CPAMD8: variants seen among roughly 807,000 people sequenced by gnomAD.
CPAMD8 encodes the protein C3 and PZP like alpha-2-macroglobulin domain containing 8, also known as C3 and PZP-like alpha-2-macroglobulin domain-containing protein 8.
A neutral mutation model predicts 224.7 loss-of-function variants in CPAMD8; 146 were observed. That is an observed-to-expected ratio of 0.65 (90% CI 0.57 to 0.75). The LOEUF (loss-of-function observed/expected upper bound fraction) is 0.75, where lower values mean the gene tolerates loss of function less well. Ranked by LOEUF, CPAMD8 falls within the 30% of genes least tolerant of loss-of-function variation. The pLI is 0.00. For missense variants in CPAMD8, 2,301 were observed against 2,537.5 expected, an observed-to-expected ratio of 0.91 and a Z score of 2.00; for synonymous variants, 966 against 1,044.6, an observed-to-expected ratio of 0.92 and a Z score of 1.45.
rs2052178954 is a variant in CPAMD8 at position 16,899,861 on chromosome 19, C to T, written c.4774-312G>A. 2.0e-5 allele frequency among the ~76,000 whole-genome samples: 3 copies of T among 152,050 alleles called. No individual in the cohort carries two copies. The highest frequency in any genetic ancestry group is 1.3e-4 in the Admixed American group (2 of 15,280). On this transcript the variant is annotated intron_variant, in intron 36 of 41. Coordinates refer to ENST00000443236, the MANE Select transcript of CPAMD8 (RefSeq NM_015692.5). This position sits in a 1 kb window ranked among gnomAD's most constrained non-coding sequence, Gnocchi z 5.4. ...GCTGAGCCCTGCCGCCTGCTGGTGTCTCAGCTGCACTGTTCAAGTTCCCCT... is the reference window on the plus strand; with the variant it reads ...GCTGAGCCCTGCCGCCTGCTGGTGTTTCAGCTGCACTGTTCAAGTTCCCCT...
At chr19:16,918,474 G>A (rs999537763) in intron 27 of CPAMD8, among the ~76,000 whole-genome samples, 9 of 141,400 alleles carry the variant, frequency 6.4e-5, no homozygotes, top group African/African-American at 2.4e-4. Context: ...AAGAGATGGA[G>A]TTTTGCTCTG....
At chr19:16,962,179 C>T (rs1341054430) in intron 18 of CPAMD8, among the ~76,000 whole-genome samples, 4 of 152,112 alleles carry the variant, frequency 2.6e-5, no homozygotes, top group Non-Finnish European at 4.4e-5. Flanking sequence ...CAAAGCTGGA[C>T]GGAGAATGAC....
At chr19:17,017,905 C>A (rs1023891173) in intron 3 of CPAMD8, among the ~76,000 whole-genome samples, 2 of 151,980 alleles carry the variant, frequency 1.3e-5, no homozygotes, top group African/African-American at 4.8e-5. Context: ...CGGTGGTGCA[C>A]ACCTGTAATC....
intron 9 of CPAMD8, among the ~76,000 whole-genome samples, chr19:17,000,848 C>T (rs894276717): frequency 5.3e-5 from 8 of 152,322 alleles, no homozygotes; most frequent in African/African-American, 1.9e-4. Context: ...TGAGAGGCAC[C>T]TGAGCCTAAG....
intron 10 of CPAMD8, chr19:17,000,173 T>C (rs892785892): frequency 5.5e-5 from 22 of 397,952 alleles, no homozygotes; most frequent in Non-Finnish European, 8.9e-5. Context: ...TTTTAGAAAG[T>C]AAAACAGCGG....
intron 26 of CPAMD8, among the ~76,000 whole-genome samples, chr19:16,924,519 G>C (rs1056443112): frequency 6.6e-6 from 1 of 152,166 alleles, no homozygotes; most frequent in African/African-American, 2.4e-5. Flanking sequence ...AGCTGTCCAT[G>C]ATCAGCCTTC....
At chr19:16,902,951 G>T in intron 34 of CPAMD8, 88 bp from the exon 35 acceptor site, 1 of 721,286 alleles carries the variant, frequency 1.4e-6, no homozygotes, top group Middle Eastern at 2.6e-4. Flanking sequence ...GTGGGGAGGT[G>T]GGAACAGCCA....
intron 3 of CPAMD8, among the ~76,000 whole-genome samples, chr19:17,014,580 G>A (rs2056761296): frequency 6.6e-6 from 1 of 152,168 alleles, no homozygotes; most frequent in South Asian, 2.1e-4. Flanking sequence ...TCACAATCAT[G>A]GCGAAAGGTG....
chr19:16,930,969 C>G (rs2053527821), intron 23 of CPAMD8, among the ~76,000 whole-genome samples: 1 of 152,184 alleles, frequency 6.6e-6, no homozygotes, highest in African/African-American at 2.4e-5. Context: ...CCTCACTGCC[C>G]CCAGCAGTGA....
intron 41 of CPAMD8, chr19:16,895,846 T>C: frequency 2.0e-6 from 1 of 503,446 alleles, no homozygotes. Flanking sequence ...ACACTGCTGG[T>C]CCCCCCAGCA....
intron 13 of CPAMD8, among the ~76,000 whole-genome samples, chr19:16,984,831 G>A (rs1350960159): frequency 6.6e-6 from 1 of 152,148 alleles, no homozygotes; most frequent in Non-Finnish European, 1.5e-5. Context: ...GCAACATAGT[G>A]AAACCCCTAA....
chr19:16,897,816 T>A lies in CPAMD8; in HGVS notation c.4955-15A>T. The A allele has an allele frequency of 6.3e-7, 1 of 1,575,306 alleles. No individual in the cohort carries two copies. The highest frequency in any genetic ancestry group is 1.1e-5 in the South Asian group (1 of 87,110). On this transcript the variant is annotated splice_polypyrimidine_tract_variant and intron_variant, in intron 38 of 41. Transcript: ENST00000443236. ...GGCCTCGAAGGCTACGGGACGAGGGTGGCGGGTGACCAAGTGCAGGCGCGA... is the reference window on the plus strand; with the variant it reads ...GGCCTCGAAGGCTACGGGACGAGGGAGGCGGGTGACCAAGTGCAGGCGCGA...
chr19:17,001,837 A>G (rs12972247), intron 9 of CPAMD8, among the ~76,000 whole-genome samples: 35,572 of 150,284 alleles, frequency 0.24, 4,651 homozygotes, highest in African/African-American at 0.34. Flanking sequence ...GCTCTAGGGA[A>G]AGGGGTACAC....
chr19:16,932,707 G>A (rs1389789124), intron 23 of CPAMD8, among the ~76,000 whole-genome samples: 1 of 152,002 alleles, frequency 6.6e-6, no homozygotes, highest in Non-Finnish European at 1.5e-5. Flanking sequence ...ACACTATAAA[G>A]TAACCAAATA....
At chr19:16,942,105 C>T (rs192004335) in intron 22 of CPAMD8, among the ~76,000 whole-genome samples, 3 of 152,144 alleles carry the variant, frequency 2.0e-5, no homozygotes, top group Non-Finnish European at 2.9e-5. Flanking sequence ...TGAGGCCTCC[C>T]CAGCCATGCT....
At chr19:16,959,385 C>T (rs530334228) in intron 18 of CPAMD8, among the ~76,000 whole-genome samples, 3 of 146,064 alleles carry the variant, frequency 2.1e-5, no homozygotes, top group East Asian at 4.3e-4. Context: ...ATGTTGACCA[C>T]GCTGGTCTCA....
At position 16,896,614 on chromosome 19, in the gene CPAMD8, G is replaced by A. The variant is rs1486519794; in HGVS notation, c.5117C>T (p.Ala1706Val). The change falls in exon 40 of 42, where the codon GCG becomes GTG. Residue 1706 changes from alanine (A) to valine (V), a missense_variant. This residue lies in a region of CPAMD8 where 1,709 missense variants were observed against 1,753.2 expected (regional missense o/e 0.97). Coordinates refer to ENST00000443236, the MANE Select transcript of CPAMD8 (RefSeq NM_015692.5). ...GTGGTCGCAGCCGCATCGCGCGATCGCCGCCCCCTCCTCAGGGGCCACGGC... is the reference window on the plus strand; with the variant it reads ...GTGGTCGCAGCCGCATCGCGCGATCACCGCCCCCTCCTCAGGGGCCACGGC... ...GPAVAPEEGAAIARCGCDHDC... is the reference protein window; with the variant it reads ...GPAVAPEEGAVIARCGCDHDC... The A allele has an allele frequency of 8.6e-6, 13 of 1,504,302 alleles. No individual in the cohort carries two copies. Among genetic ancestry groups the A allele is most frequent in the African/African-American group, 1.4e-5 (1 of 70,570 alleles). The allele number at this position is 1,504,302 out of a possible 1,614,324, so 93.2% of individuals were successfully genotyped here. A position where few individuals can be genotyped will look rare whatever the true frequency, so the allele number is the denominator to read the frequency against.
At chr19:16,986,100 C>T (rs138533078) in intron 13 of CPAMD8, among the ~76,000 whole-genome samples, 15 of 152,116 alleles carry the variant, frequency 9.9e-5, no homozygotes, top group Admixed American at 4.6e-4. Context: ...TTGGAGTGAG[C>T]GCCCCCATTC....
At chr19:17,013,506 G>T (rs991804092) in intron 3 of CPAMD8, 1 of 17,448 alleles carries the variant, frequency 5.7e-5, no homozygotes, top group Non-Finnish European at 9.3e-5. Flanking sequence ...GCGAGACTCC[G>T]CCTCAAAAAA....
Sources: gnomAD v4.1 joint callset for allele counts (sites outside exome capture counted in the v4.1 genomes callset) on GRCh38, gnomAD v4.1.1 for gene constraint, gnomAD v4.1.1 regional missense constraint, Gnocchi (gnomAD v3.1) non-coding constraint, MANE v1.5 for transcripts, NCBI Gene and HGNC (gene_info 2026-07-23, HGNC 2026-07-21) for gene names.